The following GXYLT2 variants were observed in gnomAD, a reference collection of about 807,000 sequenced individuals.
GXYLT2 encodes glycosyltransferase 8 domain containing 4.
Under a neutral mutation model 45.8 loss-of-function variants are expected in GXYLT2, and 53 were observed. The ratio of observed to expected loss-of-function variants is 1.16; its 90% CI spans 0.93 to 1.46. The LOEUF (loss-of-function observed/expected upper bound fraction) is 1.46. Among genes scored for constraint, GXYLT2 ranks in the 40% most tolerant of loss-of-function variants. The pLI is 0.00. For synonymous variants in GXYLT2, 219 were observed against 214.2 expected, an observed-to-expected ratio of 1.02 and a Z score of -0.19; for missense variants, 551 against 544.4, an observed-to-expected ratio of 1.01 and a Z score of -0.12.
chr3:72,965,784 C>G (rs1445688811), intron 5 of GXYLT2, among the ~76,000 whole-genome samples: 2 of 152,026 alleles, frequency 1.3e-5, no homozygotes, highest in Non-Finnish European at 2.9e-5. Context: ...GCCAAATGGC[C>G]CTGGGGTAGA....
chr3:72,921,284 A>C (rs1416943731), intron 2 of GXYLT2, among the ~76,000 whole-genome samples: 1 of 152,200 alleles, frequency 6.6e-6, no homozygotes, highest in East Asian at 1.9e-4. Context: ...AACAGAACAC[A>C]ATGCAGTCAT....
intron 1 of GXYLT2, among the ~76,000 whole-genome samples, chr3:72,897,599 AAAATT>A (rs1396910391): frequency 6.6e-6 from 1 of 152,228 alleles, no homozygotes; most frequent in Non-Finnish European, 1.5e-5. Flanking sequence ...TCCCCAAAAT[AAAATT>A]AAGATGCTTT....
At chr3:72,945,219 C>T (rs951150615) in intron 3 of GXYLT2, among the ~76,000 whole-genome samples, 11 of 151,776 alleles carry the variant, frequency 7.2e-5, no homozygotes, top group African/African-American at 2.7e-4. Flanking sequence ...ACCCGGGAGG[C>T]GGAGCTTGCA....
intron 2 of GXYLT2, among the ~76,000 whole-genome samples, chr3:72,921,808 G>T (rs1380861735): frequency 1.3e-5 from 2 of 152,172 alleles, no homozygotes; most frequent in African/African-American, 4.8e-5. Flanking sequence ...CATTTTGATT[G>T]TTCCCAAGTT....
At chr3:72,900,919 C>T (rs1397863772) in intron 1 of GXYLT2, among the ~76,000 whole-genome samples, 3 of 151,952 alleles carry the variant, frequency 2.0e-5, no homozygotes, top group African/African-American at 7.3e-5. Flanking sequence ...CTTTGGGAGG[C>T]CAAGGTGGGT....
At chr3:72,906,173 T>C (rs1709507145) in intron 1 of GXYLT2, among the ~76,000 whole-genome samples, 1 of 152,170 alleles carries the variant, frequency 6.6e-6, no homozygotes, top group African/African-American at 2.4e-5. Flanking sequence ...TTGACTTAAA[T>C]AGCAAACATG....
At chr3:72,963,625 C>T (rs1335425954) in intron 5 of GXYLT2, among the ~76,000 whole-genome samples, 2 of 150,974 alleles carry the variant, frequency 1.3e-5, no homozygotes, top group African/African-American at 4.9e-5. Flanking sequence ...GCCTTAGCCT[C>T]CTGAGTAGCT....
At chr3:72,966,343 C>T (rs1208079505) in intron 5 of GXYLT2, among the ~76,000 whole-genome samples, 1 of 149,850 alleles carries the variant, frequency 6.7e-6, no homozygotes, top group Non-Finnish European at 1.5e-5. Context: ...TAATCTGAAG[C>T]AGAATCTTTA....
chr3:72,902,142 C>T (rs1709421245), intron 1 of GXYLT2, among the ~76,000 whole-genome samples: 1 of 152,106 alleles, frequency 6.6e-6, no homozygotes, highest in African/African-American at 2.4e-5. Flanking sequence ...GCTATTTGAA[C>T]ATTTGTGTAC....
At chr3:72,918,059 C>G (rs573311346) in intron 2 of GXYLT2, among the ~76,000 whole-genome samples, 3 of 152,214 alleles carry the variant, frequency 2.0e-5, no homozygotes, top group South Asian at 4.1e-4. Flanking sequence ...TGTATGGTCT[C>G]TATCCCAACT....
At chr3:72,940,506 T>C (rs1020825955) in intron 3 of GXYLT2, among the ~76,000 whole-genome samples, 1 of 152,130 alleles carries the variant, frequency 6.6e-6, no homozygotes, top group Non-Finnish European at 1.5e-5. Flanking sequence ...TAATGTTGGT[T>C]AATTCTGAAG....
chr3:72,943,414 T>C (rs1710336494), intron 3 of GXYLT2, among the ~76,000 whole-genome samples: 1 of 151,892 alleles, frequency 6.6e-6, no homozygotes, highest in Non-Finnish European at 1.5e-5. Flanking sequence ...TCTCCCTCTG[T>C]TGCCCAGGCT....
intron 2 of GXYLT2, among the ~76,000 whole-genome samples, chr3:72,911,918 ATATT>A (rs1478684787): frequency 1.3e-5 from 2 of 148,840 alleles, no homozygotes; most frequent in African/African-American, 4.9e-5. Flanking sequence ...ATAAAAATAT[ATATT>A]ATATATACTT....
At chr3:72,924,035 A>G (rs935548506) in intron 3 of GXYLT2, among the ~76,000 whole-genome samples, 7 of 152,174 alleles carry the variant, frequency 4.6e-5, no homozygotes, top group Non-Finnish European at 1.0e-4. Flanking sequence ...CAGATGGAAC[A>G]GTATATACAA....
chr3:72,975,549 G>A lies in GXYLT2; in HGVS notation c.*390G>A, dbSNP rs780359598. On this transcript the variant is annotated 3_prime_UTR_variant, in exon 7 of 7. Transcript: ENST00000389617. The stretch of plus-strand genomic sequence containing the variant: ...CTATGCAACTGACTCCCCCACACCC[G>A]TGTTATAAAAGTAATACACACTTTT... The A allele has an allele frequency of 2.5e-5, 4 of 161,630 alleles. No individual in the cohort carries two copies. Among genetic ancestry groups the A allele is most frequent in the Non-Finnish European group, 4.0e-5 (3 of 74,878 alleles). 10.0% of individuals were successfully genotyped at this position (161,630 alleles called of 1,614,324 possible).
intron 3 of GXYLT2, among the ~76,000 whole-genome samples, chr3:72,927,773 A>C (rs1253929248): frequency 6.6e-6 from 1 of 152,336 alleles, no homozygotes; most frequent in Middle Eastern, 3.4e-3. Context: ...AGCCACCTAA[A>C]TGATTACATG....
intron 1 of GXYLT2, among the ~76,000 whole-genome samples, chr3:72,898,556 G>A (rs1044468173): frequency 5.9e-5 from 9 of 152,156 alleles, no homozygotes; most frequent in Non-Finnish European, 1.2e-4. Flanking sequence ...ACACAAATGT[G>A]AATAACCTCT....
chr3:72,895,802 G>A (rs1314842458), intron 1 of GXYLT2, among the ~76,000 whole-genome samples: 1 of 152,192 alleles, frequency 6.6e-6, no homozygotes. Context: ...ATTGGGAGTT[G>A]CTGATTTTGT....
chr3:72,897,327 T>G (rs1052684672), intron 1 of GXYLT2, among the ~76,000 whole-genome samples: 2 of 152,218 alleles, frequency 1.3e-5, no homozygotes, highest in African/African-American at 4.8e-5. Flanking sequence ...CTTCCTTCTG[T>G]GTGGGTGACA....
Sources: allele counts gnomAD v4.1 joint callset (sites outside exome capture counted in the v4.1 genomes callset), GRCh38; gene constraint gnomAD v4.1.1; transcripts MANE v1.5; gene names NCBI Gene and HGNC (gene_info 2026-07-23, HGNC 2026-07-21).